The following PRDM15 variants were observed in gnomAD, a reference collection of about 807,000 sequenced individuals.
PRDM15 encodes the protein PR domain zinc finger protein 15.
Under a neutral mutation model 128.6 loss-of-function variants are expected in PRDM15, and 64 were observed. The observed-to-expected ratio is 0.50, with a 90% CI of 0.41 to 0.61. The LOEUF (loss-of-function observed/expected upper bound fraction) is 0.61, where lower values mean the gene tolerates loss of function less well. Among genes scored for constraint, PRDM15 ranks in the 20% least tolerant of loss-of-function variants. The pLI is 0.00. For missense variants in PRDM15, 1,242 were observed against 1,569.1 expected (o/e 0.79, Z 3.52); for synonymous variants, 615 against 621.8 (o/e 0.99, Z 0.16).
At chr21:41,841,846 A>T (rs773449840) in intron 6 of PRDM15, among the ~76,000 whole-genome samples, 5 of 152,228 alleles carry the variant, frequency 3.3e-5, no homozygotes, top group Non-Finnish European at 5.9e-5. Flanking sequence ...CTACAGAGGC[A>T]GATTTTTCTA....
chr21:41,828,199 C>T lies in PRDM15; in HGVS notation c.1501G>A (p.Val501Ile), dbSNP rs1555876638. 6.2e-7 allele frequency: 1 copy of T among 1,613,928 alleles called. No individual in the cohort carries two copies. The highest frequency in any genetic ancestry group is 8.5e-7 in the Non-Finnish European group (1 of 1,179,990). Reference protein sequence around the residue: ...VCSKMFYRKDVMLDHQRRHLE... With the variant: ...VCSKMFYRKDIMLDHQRRHLE... ...TGCCGGCGCTGGTGGTCCAGCATGACGTCCTTGCGGTAGAACATCTTGCTG... is the reference window on the plus strand; with the variant it reads ...TGCCGGCGCTGGTGGTCCAGCATGATGTCCTTGCGGTAGAACATCTTGCTG... Residue 501 changes from valine to isoleucine, a missense_variant, in exon 12 of 24, where the codon GTC becomes ATC. By Grantham distance (29) the Val-to-Ile change is conservative. Around this residue, in one of 3 missense-constraint regions of PRDM15, gnomAD observed 612 missense variants for 717.0 expected, o/e 0.85. Transcript: ENST00000398548. The surrounding 1 kb of genome is among the most constrained non-coding windows in gnomAD (Gnocchi z 5.7).
chr21:41,844,781 C>T (rs1349785093), intron 6 of PRDM15, among the ~76,000 whole-genome samples: 3 of 23,054 alleles, frequency 1.3e-4, no homozygotes, highest in African/African-American at 3.5e-4. Context: ...ACAGTCCCTC[C>T]CCCCTCACAG....
In PRDM15 at chr21:41,820,617, C is replaced by G. The variant is rs1013698901; in HGVS notation, c.2061-443G>C. 2.0e-5 allele frequency among the ~76,000 whole-genome samples: 3 copies of G among 152,202 alleles called. No homozygotes were observed. In the East Asian group the frequency reaches 5.8e-4, roughly 29 times the overall value. On this transcript the variant is annotated intron_variant, in intron 16 of 23. Transcript: ENST00000398548. ...ACCGTGACCCCTGAGCTCCCGCCTC[C>G]AGGACTGAAGATGGTAAGTGTCTGT...
At chr21:41,872,995 A>G (rs1272249816) in intron 1 of PRDM15, among the ~76,000 whole-genome samples, 1 of 152,150 alleles carries the variant, frequency 6.6e-6, no homozygotes, top group Non-Finnish European at 1.5e-5. Context: ...ACCCATAGCT[A>G]TAACTTCCCG....
At chr21:41,847,948 CA>C (rs2063318419) in intron 5 of PRDM15, among the ~76,000 whole-genome samples, 13 of 152,346 alleles carry the variant, frequency 8.5e-5, no homozygotes, top group South Asian at 6.2e-4. Flanking sequence ...ACAAAAAAGT[CA>C]CTGATGCTCT....
intron 11 of PRDM15, among the ~76,000 whole-genome samples, chr21:41,830,430 C>T (rs2062646837): frequency 3.3e-5 from 5 of 151,648 alleles, no homozygotes; most frequent in Admixed American, 2.6e-4. Flanking sequence ...ACATATCACA[C>T]ACACCAAATA....
intron 3 of PRDM15, among the ~76,000 whole-genome samples, chr21:41,857,593 C>G (rs1302907687): frequency 2.6e-5 from 4 of 152,120 alleles, no homozygotes; most frequent in Non-Finnish European, 5.9e-5. Flanking sequence ...AACCCTGTCT[C>G]TACAAAAAAT....
intron 1 of PRDM15, chr21:41,871,797 T>G (rs2064222265): frequency 1.6e-6 from 1 of 634,452 alleles, no homozygotes; most frequent in Non-Finnish European, 2.6e-6. Flanking sequence ...TTTCATCACC[T>G]CTCCAGCACC....
At chr21:41,876,377 A>G (rs944841825) in intron 1 of PRDM15, among the ~76,000 whole-genome samples, 2 of 152,138 alleles carry the variant, frequency 1.3e-5, no homozygotes, top group South Asian at 4.1e-4. Flanking sequence ...AGGAGACGGG[A>G]GCAGAAGGGG....
chr21:41,832,531 G>A lies in PRDM15; in HGVS notation c.1366+2906C>T, dbSNP rs1731685372. 2.0e-5 allele frequency among the ~76,000 whole-genome samples: 3 copies of A among 152,178 alleles called. No individual in the cohort carries two copies. The South Asian group carries it at 6.2e-4, about 31-fold the overall frequency. On this transcript the variant is annotated intron_variant, in intron 11 of 23. Transcript: ENST00000398548. This position sits in a 1 kb window ranked among gnomAD's most constrained non-coding sequence, Gnocchi z 4.2. Reference sequence around the variant, plus strand: ...GATCACCATAGGCCACACCTTTACAGTGCTGTGGCATTGGATTGCCACACT... The same window carrying A: ...GATCACCATAGGCCACACCTTTACAATGCTGTGGCATTGGATTGCCACACT...
intron 1 of PRDM15, chr21:41,861,750 GT>G (rs746850801): frequency 1.2e-6 from 2 of 1,613,528 alleles, no homozygotes; most frequent in Admixed American, 3.3e-5. Flanking sequence ...GAACTTGTGT[GT>G]CTGAGAGCAG....
intron 11 of PRDM15, chr21:41,834,645 T>C (rs898246892): frequency 9.3e-7 from 1 of 1,080,976 alleles, no homozygotes; most frequent in Non-Finnish European, 1.4e-6. Context: ...GGGCCTCCAG[T>C]GCCACCCACC....
intron 21 of PRDM15, among the ~76,000 whole-genome samples, chr21:41,809,424 G>C (rs1202819102): frequency 6.6e-6 from 1 of 151,928 alleles, no homozygotes; most frequent in Non-Finnish European, 1.5e-5. Context: ...GTAGAGACGG[G>C]GTTTCACCAT....
intron 13 of PRDM15, 36 bp from the exon 14 acceptor site, chr21:41,823,485 C>G: frequency 6.5e-7 from 1 of 1,537,298 alleles, no homozygotes; most frequent in Non-Finnish European, 8.8e-7. Context: ...GGGGCTGCGG[C>G]GTCTCGTGAC....
intron 19 of PRDM15, among the ~76,000 whole-genome samples, chr21:41,815,214 G>A (rs190045343): frequency 2.7e-3 from 416 of 152,306 alleles, no homozygotes; most frequent in African/African-American, 9.3e-3. Context: ...TCGCGTCACC[G>A]ACTCCTTTCT....
chr21:41,845,348 G>A (rs440493), intron 6 of PRDM15, among the ~76,000 whole-genome samples: 12 of 134,216 alleles, frequency 8.9e-5, no homozygotes, highest in African/African-American at 3.1e-4. Flanking sequence ...GCCCCTCCCC[G>A]TTCACAGGCC....
chr21:41,857,387 G>T lies in PRDM15; in HGVS notation c.132-58C>A, dbSNP rs557718885. ...AGCACTCACACCCAGGGACCGACTCGTTAAGATAACCTAAAAGCTCGCCCT... is the reference window on the plus strand; with the variant it reads ...AGCACTCACACCCAGGGACCGACTCTTTAAGATAACCTAAAAGCTCGCCCT... On this transcript the variant is annotated intron_variant, in intron 3 of 23. Transcript: ENST00000398548. 2.5e-6 allele frequency: 4 copies of T among 1,580,240 alleles called. No individual in the cohort carries two copies. In the East Asian group the frequency reaches 9.0e-5, roughly 35 times the overall value.
intron 9 of PRDM15, 110 bp from the exon 10 acceptor site, chr21:41,836,317 G>C: frequency 7.7e-7 from 1 of 1,296,740 alleles, no homozygotes; most frequent in South Asian, 1.3e-5. Context: ...CCATGCGAAG[G>C]AGCTGCAGAG....
In PRDM15 at chr21:41,801,643, A is replaced by G; in HGVS notation, c.3023T>C (p.Ile1008Thr). 1 of 1,614,074 alleles carries G rather than the reference A, an allele frequency of 6.2e-7. No homozygotes were observed. The change falls in exon 24 of 24, where the codon ATC becomes ACC. Residue 1008 changes from isoleucine (I) to threonine (T), a missense_variant. Ile to Thr is a moderately conservative substitution (Grantham distance 89, BLOSUM62 -1). Around this residue, in one of 3 missense-constraint regions of PRDM15, gnomAD observed 602 missense variants for 788.3 expected, o/e 0.76. Transcript: ENST00000398548. ...AAACTGAGTCGCGGCCGCAGTGGTG[A>G]TGGGGGTCACGGTGATGTTGGTTAA... ...VGLTNITVTPITTAAATQFTN... is the reference protein window; with the variant it reads ...VGLTNITVTPTTTAAATQFTN...
Sources: allele counts gnomAD v4.1 joint callset (sites outside exome capture counted in the v4.1 genomes callset), GRCh38; gene constraint gnomAD v4.1.1; regional missense constraint gnomAD v4.1.1; non-coding constraint Gnocchi (gnomAD v3.1); transcripts MANE v1.5; gene names NCBI Gene and HGNC (gene_info 2026-07-23, HGNC 2026-07-21).